Variants in ZEB1 observed in about 807,000 individuals in gnomAD.
ZEB1 encodes zinc finger E-box-binding homeobox 1.
ZEB1 carries 21 observed loss-of-function variants against 84.9 expected under a neutral mutation model. The observed-to-expected ratio is 0.25, with a 90% CI of 0.18 to 0.36. The LOEUF (loss-of-function observed/expected upper bound fraction) is 0.36, where lower values mean the gene tolerates loss of function less well. ZEB1 is among the 10% of genes least tolerant of loss of function. The pLI, the probability that ZEB1 is intolerant of heterozygous loss-of-function variation, is 1.00. For missense variants in ZEB1, 1,104 were observed against 1,330.2 expected, an observed-to-expected ratio of 0.83 and a Z score of 2.65; for synonymous variants, 420 against 471.1, an observed-to-expected ratio of 0.89 and a Z score of 1.41.
At chr10:31,468,339 A>G (rs1200215066) in intron 2 of ZEB1, among the ~76,000 whole-genome samples, 1 of 152,160 alleles carries the variant, frequency 6.6e-6, no homozygotes, top group Admixed American at 6.5e-5. Flanking sequence ...TCATCACTGC[A>G]GCTGCCTCTC....
At chr10:31,464,432 AG>A (rs1173836694) in intron 2 of ZEB1, among the ~76,000 whole-genome samples, 2 of 152,138 alleles carry the variant, frequency 1.3e-5, no homozygotes, top group Non-Finnish European at 2.9e-5. Context: ...CCAGGAGAAA[AG>A]ATACTAGGGC....
At chr10:31,452,480 T>C (rs2060677204) in intron 1 of ZEB1, among the ~76,000 whole-genome samples, 1 of 152,122 alleles carries the variant, frequency 6.6e-6, no homozygotes, top group South Asian at 2.1e-4. Flanking sequence ...ATCCTATGAA[T>C]TACCACATGA....
chr10:31,495,987 C>T (rs778832232), intron 3 of ZEB1, 149 bp downstream of exon 3: 21 of 782,704 alleles, frequency 2.7e-5, no homozygotes, highest in African/African-American at 3.5e-5. Context: ...GCATATGGTG[C>T]ACTACATAAA....
chr10:31,322,430 C>G (rs1411253809), intron 1 of ZEB1, among the ~76,000 whole-genome samples: 1 of 152,164 alleles, frequency 6.6e-6, no homozygotes, highest in East Asian at 1.9e-4. Flanking sequence ...ATGTTTTATT[C>G]ATTTTGAAAT....
intron 2 of ZEB1, among the ~76,000 whole-genome samples, chr10:31,481,888 T>C (rs2065089260): frequency 6.6e-6 from 1 of 151,984 alleles, no homozygotes; most frequent in Non-Finnish European, 1.5e-5. Context: ...AGAAATCCAA[T>C]TATAAATTAA....
At chr10:31,371,638 A>G (rs1233718163) in intron 1 of ZEB1, among the ~76,000 whole-genome samples, 1 of 152,070 alleles carries the variant, frequency 6.6e-6, no homozygotes, top group Non-Finnish European at 1.5e-5. Flanking sequence ...CTGTGTCTTT[A>G]TGTACCACTC....
chr10:31,354,862 T>C (rs976783020), intron 1 of ZEB1, among the ~76,000 whole-genome samples: 2 of 152,196 alleles, frequency 1.3e-5, no homozygotes, highest in Non-Finnish European at 2.9e-5. Flanking sequence ...TAAGAGGTAA[T>C]TTAGGGATTT....
chr10:31,481,436 A>G (rs886589700), intron 2 of ZEB1, among the ~76,000 whole-genome samples: 11 of 152,058 alleles, frequency 7.2e-5, no homozygotes, highest in African/African-American at 9.7e-5. Context: ...CCTTGGAGAA[A>G]TGGCTGATTC....
At chr10:31,491,029 T>G (rs2066457125) in intron 2 of ZEB1, among the ~76,000 whole-genome samples, 1 of 151,722 alleles carries the variant, frequency 6.6e-6, no homozygotes, top group Non-Finnish European at 1.5e-5. Context: ...TATACTTAGT[T>G]TCTCACAGTC....
chr10:31,386,975 T>C, intron 1 of ZEB1: 1 of 651,294 alleles, frequency 1.5e-6, no homozygotes, highest in Non-Finnish European at 1.9e-6. Context: ...AGAGGAGATA[T>C]TTTTGTGAAT....
chr10:31,505,161 T>C (rs2068762407), intron 4 of ZEB1, among the ~76,000 whole-genome samples: 1 of 152,172 alleles, frequency 6.6e-6, no homozygotes, highest in Non-Finnish European at 1.5e-5. Context: ...GCATTATCTT[T>C]TTGACGTGCT....
intron 1 of ZEB1, among the ~76,000 whole-genome samples, chr10:31,452,516 G>A (rs11818689): frequency 0.048 from 7,308 of 152,052 alleles, 579 homozygotes; most frequent in African/African-American, 0.17. Context: ...TTGTGTACCT[G>A]TTTGCCTGGT....
At chr10:31,370,336 C>T (rs543582007) in intron 1 of ZEB1, among the ~76,000 whole-genome samples, 190 of 152,148 alleles carry the variant, frequency 1.2e-3, no homozygotes, top group Non-Finnish European at 8.4e-4. Context: ...GATGGCCGGG[C>T]GCAGTGGTTC....
At position 31,445,445 on chromosome 10, in the gene ZEB1, A is replaced by C. The variant is rs1349196524; in HGVS notation, c.59-15592A>C. Among the ~76,000 whole-genome samples, 109 of 146,804 alleles carry C rather than the reference A, an allele frequency of 7.4e-4. 5 individuals carry two copies. In the East Asian group the frequency reaches 0.021, roughly 28 times the overall value. On this transcript the variant is annotated intron_variant, in intron 1 of 8. Coordinates refer to ENST00000424869, the MANE Select transcript of ZEB1 (RefSeq NM_001174096.2). ...CTAATTGCCCTGGCCAGAACTTCCA[A>C]CACTATGTTGAATAGGAGCGGTGAG... is the stretch of plus-strand genomic sequence containing the variant.
intron 6 of ZEB1, among the ~76,000 whole-genome samples, chr10:31,516,554 A>G (rs2071178431): frequency 7.4e-6 from 1 of 134,552 alleles, no homozygotes; most frequent in East Asian, 2.0e-4. Flanking sequence ...AAAAAAAAAA[A>G]AAAAAAAAAA....
intron 1 of ZEB1, among the ~76,000 whole-genome samples, chr10:31,413,218 T>C (rs1250183901): frequency 1.3e-5 from 2 of 152,128 alleles, no homozygotes; most frequent in African/African-American, 4.8e-5. Context: ...TATAGACATA[T>C]AGAAGGATCT....
At chr10:31,363,594 G>T in intron 1 of ZEB1, 5 of 1,519,938 alleles carry the variant, frequency 3.3e-6, no homozygotes, top group East Asian at 2.4e-5. Flanking sequence ...GCTCTTCTGC[G>T]CTCACCTCCG....
intron 2 of ZEB1, among the ~76,000 whole-genome samples, chr10:31,481,900 A>G (rs964568724): frequency 3.3e-5 from 5 of 152,204 alleles, no homozygotes; most frequent in Admixed American, 6.5e-5. Context: ...ATAAATTAAT[A>G]AGTAAATATG....
chr10:31,321,709 C>G (rs541245972), intron 1 of ZEB1: 1 of 860,300 alleles, frequency 1.2e-6, no homozygotes, highest in African/African-American at 1.7e-5. Context: ...GGATTTTTCT[C>G]CTTGAGATCC....
Sources: gnomAD v4.1 joint callset for allele counts (sites outside exome capture counted in the v4.1 genomes callset) on GRCh38, gnomAD v4.1.1 for gene constraint, MANE v1.5 for transcripts, NCBI Gene and HGNC (gene_info 2026-07-23, HGNC 2026-07-21) for gene names.